PCNX2: variants seen among roughly 807,000 people sequenced by gnomAD.
PCNX2 encodes the protein pecanex-like protein 2.
Under a neutral mutation model 223.8 loss-of-function variants are expected in PCNX2, and 168 were observed. The ratio of observed to expected loss-of-function variants is 0.75; its 90% CI spans 0.66 to 0.85. The LOEUF is 0.85. Ranked by LOEUF, PCNX2 falls within the 40% of genes least tolerant of loss-of-function variation. The pLI is 0.00. For missense variants in PCNX2, 2,507 were observed against 2,675.5 expected (o/e 0.94, Z 1.39); for synonymous variants, 1,006 against 1,052.6 (o/e 0.96, Z 0.86).
At chr1:233,276,321 G>A (rs1232330163) in intron 1 of PCNX2, among the ~76,000 whole-genome samples, 1 of 152,150 alleles carries the variant, frequency 6.6e-6, no homozygotes, top group Non-Finnish European at 1.5e-5. Context: ...GCTTGGGGGA[G>A]AGAGAAATGG....
In PCNX2 at chr1:233,208,747, C is replaced by G. The variant is rs974459249; in HGVS notation, c.2692-58G>C. ...TCTTATTTTGATTAAATGAAAAAAG[C>G]CTCATAGTCAATAATTTACACTATA... On this transcript the variant is annotated intron_variant, in intron 12 of 33. Coordinates refer to ENST00000258229, the MANE Select transcript of PCNX2 (RefSeq NM_014801.4). The G allele has an allele frequency of 7.5e-6, 11 of 1,462,378 alleles. No individual in the cohort carries two copies. The Admixed American group carries it at 1.6e-4, about 22-fold the overall frequency. 90.6% of individuals were successfully genotyped at this position (1,462,378 alleles called of 1,614,324 possible). A position where few individuals can be genotyped will look rare whatever the true frequency, so the allele number is the denominator to read the frequency against.
At chr1:233,040,471 A>G (rs1356779119) in intron 25 of PCNX2, among the ~76,000 whole-genome samples, 1 of 152,134 alleles carries the variant, frequency 6.6e-6, no homozygotes, top group African/African-American at 2.4e-5. Context: ...TCTGATTCCA[A>G]CTTAACTGTC....
the PCNX2 span, among the ~76,000 whole-genome samples, chr1:233,320,238 T>C: frequency 1.3e-5 from 2 of 152,340 alleles, no homozygotes; most frequent in East Asian, 3.9e-4. Context: ...ATAATTATTA[T>C]GCAATAATTA....
chr1:233,252,611 G>A, intron 6 of PCNX2, 30 bp downstream of exon 6: 2 of 1,602,020 alleles, frequency 1.2e-6, no homozygotes, highest in Non-Finnish European at 1.7e-6. Context: ...TTATGACCAA[G>A]TGAAACTAAA....
intron 12 of PCNX2, chr1:233,210,587 T>C: frequency 3.0e-6 from 3 of 985,372 alleles, no homozygotes; most frequent in Non-Finnish European, 3.6e-6. Context: ...CCACTACTTC[T>C]GTTTGCCTTG....
intron 9 of PCNX2, among the ~76,000 whole-genome samples, chr1:233,229,143 G>A (rs1269414659): frequency 1.3e-5 from 2 of 152,236 alleles, no homozygotes; most frequent in Admixed American, 1.3e-4. Context: ...TTCATTAGAG[G>A]CCACAGCAGA....
chr1:233,100,867 A>T (rs187134922), intron 21 of PCNX2, among the ~76,000 whole-genome samples: 1 of 152,308 alleles, frequency 6.6e-6, no homozygotes, highest in Non-Finnish European at 1.5e-5. Context: ...GATTCATTCT[A>T]TCATTTGCCA....
intron 23 of PCNX2, among the ~76,000 whole-genome samples, chr1:233,082,389 T>C (rs1441663655): frequency 6.6e-6 from 1 of 152,164 alleles, no homozygotes; most frequent in Non-Finnish European, 1.5e-5. Flanking sequence ...AAAGCTCTAA[T>C]AGACTTCGGA....
chr1:233,077,846 A>ATTTAG (rs10691949), intron 23 of PCNX2, among the ~76,000 whole-genome samples: 56,192 of 151,730 alleles, frequency 0.37, 12,491 homozygotes, highest in African/African-American at 0.63. Flanking sequence ...GGGAGCATCT[A>ATTTAG]TTTAGTTTAC....
At chr1:233,051,948 T>G (rs541317307) in intron 25 of PCNX2, among the ~76,000 whole-genome samples, 3 of 152,246 alleles carry the variant, frequency 2.0e-5, no homozygotes, top group South Asian at 4.2e-4. Context: ...GCAGGACAGT[T>G]CTATTGTATT....
At chr1:233,148,771 C>G (rs3753426) in intron 19 of PCNX2, among the ~76,000 whole-genome samples, 104,837 of 152,164 alleles carry the variant, frequency 0.69, 37,071 homozygotes, top group Middle Eastern at 0.77. Context: ...TCTAATGACA[C>G]GCTTCAGTCT....
At chr1:233,287,144 T>C (rs1268199023) in intron 1 of PCNX2, among the ~76,000 whole-genome samples, 1 of 152,194 alleles carries the variant, frequency 6.6e-6, no homozygotes, top group Non-Finnish European at 1.5e-5. Context: ...ACCCCTTACA[T>C]TCAAACTTCC....
intron 32 of PCNX2, among the ~76,000 whole-genome samples, chr1:232,992,011 T>G (rs1270661479): frequency 6.6e-6 from 1 of 152,174 alleles, no homozygotes. Context: ...TTTGTGGAGA[T>G]TTACGATTTT....
At chr1:233,161,157 TTTTG>T in intron 18 of PCNX2, 110 bp downstream of exon 18, 1 of 888,110 alleles carries the variant, frequency 1.1e-6, no homozygotes, top group East Asian at 2.7e-5. Flanking sequence ...TCAGCGGGCA[TTTTG>T]TTTTCTTTCT....
chr1:233,095,291 C>A (rs1326927155), intron 22 of PCNX2: 1 of 153,752 alleles, frequency 6.5e-6, no homozygotes, highest in East Asian at 1.9e-4. Flanking sequence ...CTTCCCAATG[C>A]TGTTTGTACC....
chr1:233,295,789 C>G (rs193013168), upstream of PCNX2: 1 of 291,172 alleles, frequency 3.4e-6, no homozygotes, highest in African/African-American at 2.2e-5. This position sits in a 1 kb window ranked among gnomAD's most constrained non-coding sequence, Gnocchi z 4.1. Context: ...CTCCTCCCAA[C>G]GCCCGCCCAG....
intron 17 of PCNX2, among the ~76,000 whole-genome samples, chr1:233,174,218 T>A (rs1490193466): frequency 7.3e-6 from 1 of 136,442 alleles, no homozygotes; most frequent in Non-Finnish European, 1.6e-5. Context: ...TATATAAAAA[T>A]TATGTTATAT....
At chr1:233,325,978 G>C in the PCNX2 span, among the ~76,000 whole-genome samples, 3 of 152,148 alleles carry the variant, frequency 2.0e-5, no homozygotes, top group Admixed American at 6.5e-5. Flanking sequence ...ATTTGCCATA[G>C]CCACTCCAAC....
chr1:233,326,930 A>C, the PCNX2 span, among the ~76,000 whole-genome samples: 1 of 152,084 alleles, frequency 6.6e-6, no homozygotes, highest in African/African-American at 2.4e-5. Context: ...AAAATAAGCA[A>C]AGGATTTACC....
Sources: allele counts gnomAD v4.1 joint callset (sites outside exome capture counted in the v4.1 genomes callset), GRCh38; gene constraint gnomAD v4.1.1; non-coding constraint Gnocchi (gnomAD v3.1); transcripts MANE v1.5; gene names NCBI Gene and HGNC (gene_info 2026-07-23, HGNC 2026-07-21).